Variants in C10orf53 observed in about 807,000 individuals in gnomAD.
The protein encoded by C10orf53 is UPF0728 protein C10orf53.
A neutral mutation model predicts 9.4 loss-of-function variants in C10orf53; 8 were observed. The ratio of observed to expected loss-of-function variants is 0.85; its 90% confidence interval spans 0.50 to 1.53. The LOEUF (loss-of-function observed/expected upper bound fraction) is 1.53. C10orf53 is among the 40% of genes most tolerant of loss of function. The pLI is 0.00. For synonymous variants in C10orf53, 48 were observed against 46.0 expected (o/e 1.04, Z -0.18); for missense variants, 117 against 117.8 (o/e 0.99, Z 0.03).
intron 1 of C10orf53, among the ~76,000 whole-genome samples, chr10:49,688,186 A>G (rs1431090358): frequency 1.3e-5 from 2 of 151,946 alleles, no homozygotes; most frequent in African/African-American, 4.8e-5. Context: ...CCCCACCAGC[A>G]GCTCTGCCCA....
chr10:49,693,915 C>T, intron 2 of C10orf53, 22 bp downstream of exon 2: 1 of 1,614,196 alleles, frequency 6.2e-7, no homozygotes. Flanking sequence ...GGCGATGCTT[C>T]CAGCCAGCAA....
intron 1 of C10orf53, among the ~76,000 whole-genome samples, chr10:49,687,057 A>G (rs573165615): frequency 1.3e-5 from 2 of 152,344 alleles, no homozygotes; most frequent in African/African-American, 4.8e-5. Flanking sequence ...TCTTTGATTC[A>G]GTATTCACTT....
rs751110375 is a variant in C10orf53, at chr10:49,694,748, C to T, written c.*146C>T. ...CAACTCGGGCCTGACCTCCAGCTTA[C>T]GCAGCCTCAGGATTGTCACCTGGCT... On this transcript the variant is annotated 3_prime_UTR_variant, in exon 3 of 3. Transcript: ENST00000374111. 80 of 1,450,894 alleles carry T rather than the reference C, an allele frequency of 5.5e-5. No homozygotes were observed. Among genetic ancestry groups the T allele is most frequent in the Non-Finnish European group, 6.5e-5 (72 of 1,103,022 alleles). The allele number at this position is 1,450,894 out of a possible 1,614,324, so 89.9% of individuals were successfully genotyped here.
At position 49,697,004 on chromosome 10, in the gene C10orf53, C is replaced by A. The variant is rs1007604213; in HGVS notation, c.*2402C>A. On this transcript the variant is annotated 3_prime_UTR_variant, in exon 3 of 3. Transcript: ENST00000374111. ...ACACAGGAGTTCGAGAGCAGCCTGG[C>A]CAACATGGTGAAGCCTCATCTCTAC... Among the ~76,000 whole-genome samples, 3 of 152,094 alleles carry A rather than the reference C, an allele frequency of 2.0e-5. No homozygotes were observed. The highest frequency in any genetic ancestry group is 7.2e-5 in the African/African-American group (3 of 41,400).
In C10orf53 at chr10:49,694,963, T is replaced by G; in HGVS notation, c.*361T>G. Reference sequence around the variant, plus strand: ...CAGAAGCATCTGAGATTCCATTGTTTAGTACTCAAAGTGCTCAGAACAGGT... The same window carrying G: ...CAGAAGCATCTGAGATTCCATTGTTGAGTACTCAAAGTGCTCAGAACAGGT... On this transcript the variant is annotated 3_prime_UTR_variant, in exon 3 of 3. Transcript: ENST00000374111. 2 of 1,036,510 alleles carry G rather than the reference T, an allele frequency of 1.9e-6. No individual in the cohort carries two copies. The highest frequency in any genetic ancestry group is 2.3e-6 in the Non-Finnish European group (2 of 861,170). 64.2% of individuals were successfully genotyped at this position (1,036,510 alleles called of 1,614,324 possible).
rs1158584346 is a variant in C10orf53, at chr10:49,694,968, C to T, written c.*366C>T. 2 of 1,020,908 alleles carry T rather than the reference C, an allele frequency of 2.0e-6. No homozygotes were observed. The highest frequency in any genetic ancestry group is 5.5e-5 in the Admixed American group (1 of 18,074). 63.2% of individuals were successfully genotyped at this position (1,020,908 alleles called of 1,614,324 possible). A position where few individuals can be genotyped will look rare whatever the true frequency, so the allele number is the denominator to read the frequency against. On this transcript the variant is annotated 3_prime_UTR_variant, in exon 3 of 3. Transcript: ENST00000374111. Reference sequence around the variant, plus strand: ...GCATCTGAGATTCCATTGTTTAGTACTCAAAGTGCTCAGAACAGGTGAAAT... The same window carrying T: ...GCATCTGAGATTCCATTGTTTAGTATTCAAAGTGCTCAGAACAGGTGAAAT...
exon 3 of C10orf53, chr10:49,709,444 G>A (rs780893817): frequency 7.2e-5 from 11 of 152,134 alleles, no homozygotes; most frequent in Non-Finnish European, 1.6e-4. Context: ...GGTATGACAC[G>A]GCCTGAACCT....
intron 2 of C10orf53, among the ~76,000 whole-genome samples, chr10:49,703,893 A>T (rs1294542112): frequency 6.6e-6 from 1 of 152,214 alleles, no homozygotes; most frequent in African/African-American, 2.4e-5. Flanking sequence ...ATAGAATCGA[A>T]ATCTAAAAAT....
At chr10:49,709,987 G>GTGTGTGTC in exon 3 of C10orf53, 1 of 54,204 alleles carries the variant, frequency 1.8e-5, no homozygotes, top group East Asian at 2.6e-4. Context: ...GTGTGTGTGT[G>GTGTGTGTC]TGTGTGTGTG....
downstream of C10orf53, among the ~76,000 whole-genome samples, chr10:49,699,848 T>A (rs542146360): frequency 3.0e-4 from 45 of 152,274 alleles, no homozygotes; most frequent in African/African-American, 1.1e-3. Flanking sequence ...AAAGCCTGAT[T>A]GTTCTGTGAT....
At chr10:49,687,205 A>G (rs1029735608) in intron 1 of C10orf53, among the ~76,000 whole-genome samples, 35 of 152,204 alleles carry the variant, frequency 2.3e-4, no homozygotes, top group African/African-American at 8.2e-4. Context: ...TTGCTGACAT[A>G]AGTTCCTTGC....
chr10:49,708,196 G>T (rs1386796826), intron 2 of C10orf53, among the ~76,000 whole-genome samples: 2 of 152,170 alleles, frequency 1.3e-5, no homozygotes, highest in African/African-American at 4.8e-5. Flanking sequence ...TCTTCAAGCA[G>T]TTTAAGCCAG....
intron 2 of C10orf53, chr10:49,694,326 G>T: frequency 1.5e-6 from 1 of 655,696 alleles, no homozygotes; most frequent in Non-Finnish European, 2.6e-6. Flanking sequence ...TCAAATGAGA[G>T]CTTCTGGCCT....
At position 49,693,823 on chromosome 10, in the gene C10orf53, C is replaced by G. The variant is rs1362372478; in HGVS notation, c.147C>G (p.Asp49Glu). Residue 49 changes from aspartate (D) to glutamate (E), a missense_variant, in exon 2 of 3, where the codon GAC (aspartate) becomes GAG (glutamate). Transcript: ENST00000374111. ...AGGTCATCCTAGAGAAGATAGAAGA[C>G]TGGAATGTGGTGGAACTCATGGTGA... ...GHEVILEKIE[D>E]WNVVELMVNE... The G allele has an allele frequency of 1.2e-6, 2 of 1,613,826 alleles. No homozygotes were observed. The highest frequency in any genetic ancestry group is 2.7e-5 in the African/African-American group (2 of 74,924).
exon 3 of C10orf53, chr10:49,709,888 C>T (rs1840750329): frequency 6.5e-6 from 1 of 153,048 alleles, no homozygotes; most frequent in Admixed American, 6.5e-5. Context: ...GCTCCCCTCT[C>T]TGGTTCCCTG....
chr10:49,701,193 GGAGTT>G, downstream of C10orf53, among the ~76,000 whole-genome samples: 1 of 152,220 alleles, frequency 6.6e-6, no homozygotes, highest in African/African-American at 2.4e-5. Flanking sequence ...AGAGAGGAGG[GGAGTT>G]GAGAGAGAGG....
At chr10:49,690,028 C>T (rs972111977) in intron 1 of C10orf53, among the ~76,000 whole-genome samples, 4 of 152,092 alleles carry the variant, frequency 2.6e-5, no homozygotes, top group African/African-American at 9.7e-5. Context: ...GTTTCCTGAC[C>T]TCTGAGACGG....
In C10orf53 at chr10:49,696,547, A is replaced by G. The variant is rs1840636649; in HGVS notation, c.*1945A>G. ...GTATTTGTGCCTTCAGAGTAGCACT[A>G]CAAGTGAAGAAGACCTGCCCTCCTT... is the stretch of plus-strand genomic sequence containing the variant. On this transcript the variant is annotated 3_prime_UTR_variant, in exon 3 of 3. Transcript: ENST00000374111. Among the ~76,000 whole-genome samples, 1 of 152,206 alleles carries G rather than the reference A, an allele frequency of 6.6e-6. No individual in the cohort carries two copies. The highest frequency in any genetic ancestry group is 2.4e-5 in the African/African-American group (1 of 41,448).
intron 1 of C10orf53, among the ~76,000 whole-genome samples, chr10:49,690,139 A>G (rs1840569662): frequency 1.3e-5 from 2 of 152,176 alleles, no homozygotes; most frequent in African/African-American, 2.4e-5. Context: ...CTCTTCCCAC[A>G]ATAGGGGAAG....
Sources: allele counts gnomAD v4.1 joint callset (sites outside exome capture counted in the v4.1 genomes callset), GRCh38; gene constraint gnomAD v4.1.1; transcripts MANE v1.5; gene names NCBI Gene and HGNC (gene_info 2026-07-23, HGNC 2026-07-21).